Variants in PPP3CA observed in about 807,000 individuals in gnomAD.
PPP3CA encodes the protein CAM-PRP catalytic subunit.
PPP3CA carries 14 observed loss-of-function variants against 66.5 expected under a neutral mutation model. That is an observed-to-expected ratio of 0.21 (90% confidence interval 0.14 to 0.33). The LOEUF (loss-of-function observed/expected upper bound fraction) is 0.33, where lower values mean the gene tolerates loss of function less well. Among genes scored for constraint, PPP3CA ranks in the 10% least tolerant of loss-of-function variants. The pLI, the probability that PPP3CA is intolerant of heterozygous loss-of-function variation, is 1.00. For synonymous variants in PPP3CA, 232 were observed against 226.2 expected (o/e 1.03, Z -0.23); for missense variants, 317 against 639.5 (o/e 0.50, Z 5.44).
At chr4:101,189,202 A>G (rs531788919) in intron 2 of PPP3CA, among the ~76,000 whole-genome samples, 1 of 152,272 alleles carries the variant, frequency 6.6e-6, no homozygotes, top group Non-Finnish European at 1.5e-5. Context: ...ACACACACAT[A>G]TATAAACACA....
Position 101,326,666 on chromosome 4 carries a change from T to C in PPP3CA, c.58+20073A>G, listed in dbSNP as rs184149643. ...GTCTCCAAAATGCCGTGTCCTGAAA[T>C]AAATGCATCAAAATGTTTCTTGCAT... On this transcript the variant is annotated intron_variant, in intron 1 of 13. Transcript: ENST00000394854. Among the ~76,000 whole-genome samples, 152 of 152,300 alleles carry C rather than the reference T, an allele frequency of 1.0e-3. 2 individuals carry two copies. Among genetic ancestry groups the C allele is most frequent in the African/African-American group, 3.4e-3 (143 of 41,568 alleles).
At chr4:101,069,695 C>A (rs527926884) in intron 8 of PPP3CA, among the ~76,000 whole-genome samples, 1 of 152,196 alleles carries the variant, frequency 6.6e-6, no homozygotes, top group African/African-American at 2.4e-5. Flanking sequence ...ACAGCAAGAC[C>A]AACCCCTCTT....
chr4:101,159,872 C>T (rs960936692), intron 2 of PPP3CA, among the ~76,000 whole-genome samples: 2 of 152,054 alleles, frequency 1.3e-5, no homozygotes, highest in African/African-American at 4.8e-5. Flanking sequence ...GAAATACATA[C>T]ATCAAAACCA....
At chr4:101,110,674 AT>A (rs1158880861) in intron 2 of PPP3CA, among the ~76,000 whole-genome samples, 1 of 152,144 alleles carries the variant, frequency 6.6e-6, no homozygotes, top group Non-Finnish European at 1.5e-5. Flanking sequence ...TTTATAAATA[AT>A]TTTTTTATTC....
chr4:101,104,514 G>A (rs1730575110), intron 3 of PPP3CA, among the ~76,000 whole-genome samples: 1 of 151,852 alleles, frequency 6.6e-6, no homozygotes, highest in South Asian at 2.1e-4. Flanking sequence ...CAAAGGCCTG[G>A]GGTTAGTGGA....
At chr4:101,092,618 G>T (rs1351396623) in intron 6 of PPP3CA, among the ~76,000 whole-genome samples, 1 of 151,928 alleles carries the variant, frequency 6.6e-6, no homozygotes, top group Non-Finnish European at 1.5e-5. Context: ...CCTGGTGTGT[G>T]ATGTTCCCCT....
chr4:101,145,446 T>A (rs1253000505), intron 2 of PPP3CA, among the ~76,000 whole-genome samples: 1 of 152,104 alleles, frequency 6.6e-6, no homozygotes, highest in Non-Finnish European at 1.5e-5. Flanking sequence ...TATTTAGCCA[T>A]AAAAAAGAAT....
At chr4:101,050,566 T>C (rs1203756977) in intron 10 of PPP3CA, among the ~76,000 whole-genome samples, 1 of 152,150 alleles carries the variant, frequency 6.6e-6, no homozygotes, top group Non-Finnish European at 1.5e-5. Flanking sequence ...AACAACCACA[T>C]GGAGATGGTA....
At chr4:101,067,248 C>T (rs538891993) in intron 8 of PPP3CA, among the ~76,000 whole-genome samples, 2 of 152,216 alleles carry the variant, frequency 1.3e-5, no homozygotes, top group South Asian at 4.1e-4. Context: ...GTCTTAAAGA[C>T]AATCCACTCA....
At chr4:101,108,371 T>A (rs1721511395) in intron 3 of PPP3CA, among the ~76,000 whole-genome samples, 1 of 152,244 alleles carries the variant, frequency 6.6e-6, no homozygotes. Flanking sequence ...TGGAATTATT[T>A]ATTGTAAAGC....
At chr4:101,116,916 C>G (rs1165133887) in intron 2 of PPP3CA, among the ~76,000 whole-genome samples, 1 of 151,456 alleles carries the variant, frequency 6.6e-6, no homozygotes, top group Non-Finnish European at 1.5e-5. Flanking sequence ...GTCTCTAAAT[C>G]AAATCAAAAT....
intron 1 of PPP3CA, among the ~76,000 whole-genome samples, chr4:101,324,624 C>A (rs1007634956): frequency 6.6e-6 from 1 of 152,116 alleles, no homozygotes; most frequent in South Asian, 2.1e-4. Context: ...CAGTTTTTGT[C>A]CATTTGGTAT....
intron 3 of PPP3CA, among the ~76,000 whole-genome samples, chr4:101,104,827 A>T (rs1016547697): frequency 1.2e-4 from 18 of 152,210 alleles, no homozygotes; most frequent in African/African-American, 4.3e-4. Flanking sequence ...AGTCTAATCA[A>T]AATGGAACAT....
chr4:101,115,241 G>A (rs574859740), intron 2 of PPP3CA, among the ~76,000 whole-genome samples: 4 of 152,090 alleles, frequency 2.6e-5, no homozygotes, highest in East Asian at 3.9e-4. Flanking sequence ...AAACCAGTGT[G>A]CTTCTAAGTA....
At chr4:101,247,898 TAC>T (rs757517804) in intron 1 of PPP3CA, among the ~76,000 whole-genome samples, 11 of 151,802 alleles carry the variant, frequency 7.2e-5, no homozygotes, top group African/African-American at 1.9e-4. Flanking sequence ...TATATATATA[TAC>T]ACACACACAC....
At chr4:101,119,919 A>C (rs1015135776) in intron 2 of PPP3CA, among the ~76,000 whole-genome samples, 3 of 152,144 alleles carry the variant, frequency 2.0e-5, no homozygotes, top group Non-Finnish European at 2.9e-5. Flanking sequence ...CACTTCCCTC[A>C]GTAAAAATAT....
intron 6 of PPP3CA, among the ~76,000 whole-genome samples, chr4:101,091,407 A>T (rs1729934904): frequency 1.3e-5 from 2 of 152,306 alleles, no homozygotes; most frequent in East Asian, 3.9e-4. Context: ...TAATTCAGCC[A>T]AAATGGATTC....
intron 2 of PPP3CA, among the ~76,000 whole-genome samples, chr4:101,189,687 C>CAAAAAA (rs554383258): frequency 1.2e-4 from 9 of 72,534 alleles, no homozygotes; most frequent in Non-Finnish European, 1.2e-4. Context: ...TAGTGAACGG[C>CAAAAAA]AAAAAAAAAA....
chr4:101,327,477 A>C (rs571301765), intron 1 of PPP3CA, among the ~76,000 whole-genome samples: 1 of 152,208 alleles, frequency 6.6e-6, no homozygotes, highest in African/African-American at 2.4e-5. Flanking sequence ...ACACAAATTA[A>C]ATCCACATTT....
Sources: allele counts gnomAD v4.1 joint callset (sites outside exome capture counted in the v4.1 genomes callset), GRCh38; gene constraint gnomAD v4.1.1; transcripts MANE v1.5; gene names NCBI Gene and HGNC (gene_info 2026-07-23, HGNC 2026-07-21).